Variants in PDK3 observed in about 807,000 individuals in gnomAD.
PDK3 encodes pyruvate dehydrogenase kinase, isozyme 3.
In PDK3, 12 loss-of-function variants were observed where a neutral mutation model predicts 32.0. That is an observed-to-expected ratio of 0.37 (90% CI 0.24 to 0.61). The LOEUF is 0.61. Among genes scored for constraint, PDK3 ranks in the 20% least tolerant of loss-of-function variants. The pLI, the probability that PDK3 is intolerant of heterozygous loss-of-function variation, is 0.65. For synonymous variants in PDK3, 122 were observed against 116.3 expected (o/e 1.05, Z -0.31); for missense variants, 188 against 316.9 (o/e 0.59, Z 3.09).
At chrX:24,526,110 C>A in intron 6 of PDK3, 88 bp from the exon 7 acceptor site, 1 of 694,094 alleles carries the variant, frequency 1.4e-6, no homozygotes, top group Non-Finnish European at 2.3e-6. Flanking sequence ...CTCTGTTTTA[C>A]ACACTTGGAA....
intron 1 of PDK3, among the ~76,000 whole-genome samples, chrX:24,469,218 T>C (rs1920969580): frequency 8.9e-6 from 1 of 112,067 alleles, no homozygotes; most frequent in Non-Finnish European, 1.9e-5. Context: ...ATTTCATGCA[T>C]GTCCGCGTGT....
intron 5 of PDK3, among the ~76,000 whole-genome samples, chrX:24,518,179 A>G (rs961310173): frequency 8.9e-6 from 1 of 111,906 alleles, no homozygotes; most frequent in Non-Finnish European, 1.9e-5. Context: ...TGTTATGGTC[A>G]TTAAAACTTT....
At chrX:24,528,839 C>T (rs1245827774) in intron 9 of PDK3, among the ~76,000 whole-genome samples, 1 of 111,768 alleles carries the variant, frequency 8.9e-6, no homozygotes, top group Non-Finnish European at 1.9e-5. Context: ...ACTTGCTTCC[C>T]CTGCTGAGTG....
intron 9 of PDK3, among the ~76,000 whole-genome samples, chrX:24,530,844 T>G (rs1025534921): frequency 8.9e-6 from 1 of 112,006 alleles, no homozygotes; most frequent in Non-Finnish European, 1.9e-5. Flanking sequence ...TACCAAAATA[T>G]TCTCACATTC....
intron 1 of PDK3, 44 bp from the exon 2 acceptor site, chrX:24,494,696 ATC>A: frequency 1.9e-6 from 2 of 1,030,595 alleles, no homozygotes; most frequent in South Asian, 4.3e-5. Flanking sequence ...TTATTTCTCC[ATC>A]TGTTAGACTA....
intron 1 of PDK3, 95 bp downstream of exon 1, chrX:24,465,656 A>C: frequency 1.5e-6 from 1 of 657,701 alleles, no homozygotes; most frequent in Admixed American, 3.0e-5. Context: ...AGTCTGTGGG[A>C]ACCGCAGGCG....
chrX:24,544,239 G>C (rs1299854985), exon 12 of PDK3, among the ~76,000 whole-genome samples: 2 of 110,943 alleles, frequency 1.8e-5, no homozygotes, highest in Non-Finnish European at 1.9e-5. Flanking sequence ...CTCTGCCCTG[G>C]GGGTGGCCGG....
At chrX:24,529,758 CAAA>C (rs535951847) in intron 9 of PDK3, among the ~76,000 whole-genome samples, 1 of 50,526 alleles carries the variant, frequency 2.0e-5, no homozygotes, top group African/African-American at 9.1e-5. Flanking sequence ...GGCTCTGCCT[CAAA>C]AAAAAAAAAA....
Position 24,541,746 on chromosome X carries a change from G to T in PDK3, c.*2582G>T, listed in dbSNP as rs187463946. On this transcript the variant is annotated 3_prime_UTR_variant, in exon 12 of 12. Coordinates refer to the PDK3 transcript ENST00000568479. ...ACTGTACATGATTCTTTTAATTTAGGCAGAGAATCTGGCTGTTTACTGGGT... is the reference window on the plus strand; with the variant it reads ...ACTGTACATGATTCTTTTAATTTAGTCAGAGAATCTGGCTGTTTACTGGGT... 1.6e-3 allele frequency among the ~76,000 whole-genome samples: 176 copies of T among 112,365 alleles called. 1 individual carries two copies. Among genetic ancestry groups the T allele is most frequent in the African/African-American group, 5.6e-3 (172 of 30,976 alleles).
chrX:24,482,691 C>T (rs1216357589), intron 1 of PDK3, among the ~76,000 whole-genome samples: 1 of 112,128 alleles, frequency 8.9e-6, no homozygotes, highest in Non-Finnish European at 1.9e-5. Context: ...GATACCTACT[C>T]CACTTACTTA....
chrX:24,508,861 C>G (rs1922050436), intron 5 of PDK3, among the ~76,000 whole-genome samples: 2 of 111,101 alleles, frequency 1.8e-5, no homozygotes, highest in African/African-American at 3.3e-5. Flanking sequence ...TACAGGCACC[C>G]ACCATCATGC....
chrX:24,542,391 GT>G (rs1362794772), exon 12 of PDK3, among the ~76,000 whole-genome samples: 1 of 112,634 alleles, frequency 8.9e-6, no homozygotes, highest in South Asian at 3.7e-4. Context: ...AGGTATATCG[GT>G]TTTTTGTATG....
chrX:24,532,139 G>A (rs1032516279), intron 10 of PDK3, among the ~76,000 whole-genome samples: 1 of 110,548 alleles, frequency 9.0e-6, no homozygotes, highest in African/African-American at 3.3e-5. Context: ...GGTGGTGCAC[G>A]CCTGTAGTCC....
intron 5 of PDK3, among the ~76,000 whole-genome samples, chrX:24,508,768 A>C (rs935634696): frequency 9.0e-6 from 1 of 110,887 alleles, no homozygotes; most frequent in African/African-American, 3.3e-5. Context: ...GCTGGAGTGC[A>C]ATGGCGTGAT....
At chrX:24,535,366 G>A (rs1602130289), downstream of PDK3, among the ~76,000 whole-genome samples, 2 of 110,416 alleles carry the variant, frequency 1.8e-5, no homozygotes. Context: ...TTAGCCGGGT[G>A]TGGTGGCACA....
chrX:24,503,533 C>G (rs771539248), intron 4 of PDK3, 22 bp downstream of exon 4: 2 of 1,076,751 alleles, frequency 1.9e-6, no homozygotes, highest in South Asian at 5.1e-5. Flanking sequence ...TTTGTTGGTC[C>G]AGTTTTGAAA....
intron 2 of PDK3, among the ~76,000 whole-genome samples, chrX:24,496,769 A>ATTTTTTT: frequency 1.4e-5 from 1 of 73,017 alleles, no homozygotes; most frequent in Non-Finnish European, 2.4e-5. Flanking sequence ...CCTCAAAATA[A>ATTTTTTT]TCTTTTTTTT....
intron 6 of PDK3, among the ~76,000 whole-genome samples, chrX:24,524,931 G>T (rs1922486046): frequency 8.9e-6 from 1 of 112,101 alleles, no homozygotes; most frequent in Non-Finnish European, 1.9e-5. Flanking sequence ...GCCGAGGTGG[G>T]CAAACACCTG....
intron 2 of PDK3, among the ~76,000 whole-genome samples, chrX:24,496,052 T>C (rs760336681): frequency 1.8e-4 from 20 of 111,949 alleles, no homozygotes; most frequent in Non-Finnish European, 3.2e-4. Flanking sequence ...CTCTATTGTT[T>C]GGTTTTTGTC....
Sources: gnomAD v4.1 joint callset for allele counts (sites outside exome capture counted in the v4.1 genomes callset) on GRCh38, gnomAD v4.1.1 for gene constraint, MANE v1.5 for transcripts, NCBI Gene and HGNC (gene_info 2026-07-23, HGNC 2026-07-21) for gene names.